ADAMTS6: variants seen among roughly 807,000 people sequenced by gnomAD.
The protein encoded by ADAMTS6 is A disintegrin and metalloproteinase with thrombospondin motifs 6.
Under a neutral mutation model 144.3 loss-of-function variants are expected in ADAMTS6, and 23 were observed. The observed-to-expected ratio is 0.16, with a 90% CI of 0.11 to 0.23. ADAMTS6 has a LOEUF of 0.23. ADAMTS6 is among the 10% of genes least tolerant of loss of function. The probability of loss-of-function intolerance (pLI) is 1.00; values close to 1 mark genes in which losing one functional copy is unlikely to be tolerated. For synonymous variants in ADAMTS6, 444 were observed against 457.5 expected (o/e 0.97, Z 0.38); for missense variants, 999 against 1,379.6 (o/e 0.72, Z 4.37).
intron 10 of ADAMTS6, among the ~76,000 whole-genome samples, 199 bp downstream of exon 10, chr5:65,299,786 A>C (rs1383403488): frequency 6.6e-6 from 1 of 151,054 alleles, no homozygotes; most frequent in Non-Finnish European, 1.5e-5. Flanking sequence ...TCCTTACTCC[A>C]CTTCCTCTAT....
At chr5:65,213,597 T>C (rs2112323800) in intron 20 of ADAMTS6, among the ~76,000 whole-genome samples, 1 of 151,458 alleles carries the variant, frequency 6.6e-6, no homozygotes, top group South Asian at 2.1e-4. Context: ...ATCGTGTCAC[T>C]GCACTCCAGC....
At chr5:65,172,339 AG>A (rs1253600520) in intron 23 of ADAMTS6, among the ~76,000 whole-genome samples, 1 of 151,068 alleles carries the variant, frequency 6.6e-6, no homozygotes, top group African/African-American at 2.4e-5. Flanking sequence ...GCCTGAACCC[AG>A]GAGGCAGAGC....
At chr5:65,305,735 C>G (rs1743878976) in intron 9 of ADAMTS6, among the ~76,000 whole-genome samples, 1 of 151,930 alleles carries the variant, frequency 6.6e-6, no homozygotes, top group Non-Finnish European at 1.5e-5. Context: ...AACACGAACA[C>G]AGAGACAGAG....
intron 22 of ADAMTS6, among the ~76,000 whole-genome samples, chr5:65,185,468 G>A (rs1360681248): frequency 6.6e-6 from 1 of 152,180 alleles, no homozygotes; most frequent in African/African-American, 2.4e-5. Flanking sequence ...TCCCAGAATT[G>A]TTTCCTGTCT....
Position 65,341,370 on chromosome 5 carries a change from AAATG to A in ADAMTS6, c.1074-7289_1074-7286del, listed in dbSNP as rs1747804998. ...ACAAAATCAGAGCAACAATAAATGA[AAATG>A]AAACTAAAAAATATGAAAGATCGAT... On this transcript the variant is annotated intron_variant, in intron 7 of 24. Coordinates refer to ENST00000381055, the MANE Select transcript of ADAMTS6 (RefSeq NM_197941.4). 4.6e-5 allele frequency among the ~76,000 whole-genome samples: 7 copies of A among 152,088 alleles called. No individual in the cohort carries two copies. In the South Asian group the frequency reaches 1.4e-3, roughly 32 times the overall value.
At chr5:65,213,516 C>T (rs1171587212) in intron 20 of ADAMTS6, among the ~76,000 whole-genome samples, 1 of 151,776 alleles carries the variant, frequency 6.6e-6, no homozygotes, top group Non-Finnish European at 1.5e-5. Flanking sequence ...GTGGCGTGCT[C>T]CCTAGCTACT....
chr5:65,466,958 C>T (rs1760066680), intron 3 of ADAMTS6, among the ~76,000 whole-genome samples: 2 of 151,128 alleles, frequency 1.3e-5, no homozygotes, highest in Admixed American at 1.3e-4. Flanking sequence ...AGGAGAATGG[C>T]GTGGACCCGG....
chr5:65,468,998 G>A (rs1399532055), intron 3 of ADAMTS6, among the ~76,000 whole-genome samples: 1 of 151,994 alleles, frequency 6.6e-6, no homozygotes, highest in Non-Finnish European at 1.5e-5. Flanking sequence ...TCTGACATTC[G>A]TTCTCAACTC....
At chr5:65,322,266 T>C (rs1745689006) in intron 9 of ADAMTS6, among the ~76,000 whole-genome samples, 1 of 152,244 alleles carries the variant, frequency 6.6e-6, no homozygotes, top group East Asian at 1.9e-4. Context: ...TTTTGGTTAC[T>C]GTAGCCCTGT....
rs570200334 is a variant in ADAMTS6, at chr5:65,446,236, TA to T, written c.1073+5238del. On this transcript the variant is annotated intron_variant, in intron 7 of 24. Transcript: ENST00000381055. ...TCCTAATACATTACCATGAAACCAA[TA>T]TATAATCCTGATAAACACATTATTT... Among the ~76,000 whole-genome samples the T allele has an allele frequency of 7.2e-5, 11 of 152,302 alleles. No individual in the cohort carries two copies. The South Asian group carries it at 1.0e-3, about 14-fold the overall frequency.
At chr5:65,224,047 G>GC (rs1561297331) in intron 18 of ADAMTS6, among the ~76,000 whole-genome samples, 1 of 151,996 alleles carries the variant, frequency 6.6e-6, no homozygotes, top group East Asian at 1.9e-4. Context: ...TGATCCACCC[G>GC]CCTCGGCCTC....
At chr5:65,257,852 T>C (rs1193780215) in intron 14 of ADAMTS6, among the ~76,000 whole-genome samples, 9 of 152,234 alleles carry the variant, frequency 5.9e-5, no homozygotes, top group Non-Finnish European at 1.3e-4. Flanking sequence ...AATCCCATCA[T>C]ATCACTTACC....
rs546973299 is a variant in ADAMTS6 at position 65,223,651 on chromosome 5, T to C, written c.2272+669A>G. Among the ~76,000 whole-genome samples the C allele has an allele frequency of 2.0e-4, 30 of 152,336 alleles. No homozygotes were observed. In the East Asian group the frequency reaches 5.2e-3, roughly 26 times the overall value. On this transcript the variant is annotated intron_variant, in intron 18 of 24. Coordinates refer to ENST00000381055, the MANE Select transcript of ADAMTS6 (RefSeq NM_197941.4). Reference sequence around the variant, plus strand: ...CAAATGAATAGTTTCCTTGTTTTTTTAAGGCTGAATAATATTCTATTGCAT... The same window carrying C: ...CAAATGAATAGTTTCCTTGTTTTTTCAAGGCTGAATAATATTCTATTGCAT...
At chr5:65,407,253 C>G (rs111941090) in intron 7 of ADAMTS6, among the ~76,000 whole-genome samples, 13 of 151,722 alleles carry the variant, frequency 8.6e-5, no homozygotes, top group African/African-American at 3.1e-4. Context: ...GGGTTACCCA[C>G]AAAGGGAAGC....
intron 3 of ADAMTS6, 115 bp from the exon 4 acceptor site, chr5:65,460,453 C>A: frequency 3.2e-6 from 3 of 926,252 alleles, no homozygotes; most frequent in Middle Eastern, 3.5e-4. Flanking sequence ...GGTTAAAACA[C>A]GTTAATAAAA....
At chr5:65,247,422 TA>T (rs1759726836) in intron 14 of ADAMTS6, among the ~76,000 whole-genome samples, 1 of 152,190 alleles carries the variant, frequency 6.6e-6, no homozygotes, top group Non-Finnish European at 1.5e-5. Flanking sequence ...ACAAACTTTT[TA>T]GTGGCATTTC....
intron 7 of ADAMTS6, among the ~76,000 whole-genome samples, chr5:65,402,692 AC>A (rs34691301): frequency 0.22 from 32,496 of 149,272 alleles, 5,473 homozygotes; most frequent in African/African-American, 0.47. Context: ...ATCCAAGGAC[AC>A]CCCCCCCCAT....
chr5:65,444,739 G>A (rs959241310), intron 7 of ADAMTS6, among the ~76,000 whole-genome samples: 1 of 152,046 alleles, frequency 6.6e-6, no homozygotes, highest in Non-Finnish European at 1.5e-5. Flanking sequence ...CTAGAAGTCT[G>A]CCTACCACAG....
chr5:65,320,332 AG>A (rs1745487140), intron 9 of ADAMTS6, among the ~76,000 whole-genome samples: 1 of 152,210 alleles, frequency 6.6e-6, no homozygotes, highest in East Asian at 1.9e-4. Flanking sequence ...GCTGAAATTG[AG>A]TAATACTTGA....
Sources: gnomAD v4.1 joint callset for allele counts (sites outside exome capture counted in the v4.1 genomes callset) on GRCh38, gnomAD v4.1.1 for gene constraint, MANE v1.5 for transcripts, NCBI Gene and HGNC (gene_info 2026-07-23, HGNC 2026-07-21) for gene names.